The following THAP4 variants were observed in gnomAD, a reference collection of about 807,000 sequenced individuals.
The protein encoded by THAP4 is peroxynitrite isomerase THAP4.
THAP4 carries 18 observed loss-of-function variants against 48.1 expected under a neutral mutation model. The ratio of observed to expected loss-of-function variants is 0.37; its 90% CI spans 0.26 to 0.56. The LOEUF (loss-of-function observed/expected upper bound fraction) is 0.56. THAP4 is among the 20% of genes least tolerant of loss of function. The probability of loss-of-function intolerance (pLI) is 0.78; values close to 1 mark genes in which losing one functional copy is unlikely to be tolerated. For synonymous variants in THAP4, 345 were observed against 324.9 expected (o/e 1.06, Z -0.66); for missense variants, 656 against 774.9 (o/e 0.85, Z 1.82).
rs550928874 is a variant in THAP4, at chr2:241,617,566, T to G, written c.1241-11093A>C. 1.0e-5 allele frequency: 11 copies of G among 1,080,460 alleles called. No individual in the cohort carries two copies. In the African/African-American group the frequency reaches 1.7e-4, roughly 17 times the overall value. The allele number at this position is 1,080,460 out of a possible 1,614,324, so 66.9% of individuals were successfully genotyped here. ...TGCATTCTGGGAATTGTAGTTCCAC[T>G]ATGAAAGATCACGTCTCAGAAGAAA... On this transcript the variant is annotated intron_variant, in intron 2 of 5. Transcript: ENST00000407315.
In THAP4 at chr2:241,633,803, G is replaced by A. The variant is rs373780484; in HGVS notation, c.354C>T (p.Ala118=). Residue 118 remains alanine (A), a synonymous_variant, in exon 2 of 6, where the codon GCC becomes GCT. Transcript: ENST00000407315. This position sits in a 1 kb window ranked among gnomAD's most constrained non-coding sequence, Gnocchi z 7.5. ...ATGGVRGHSS[A]ATSRGAAGWS... The stretch of plus-strand genomic sequence containing the variant: ...AACCTGCAGCTCCTCTGCTGGTGGC[G>A]GCACTCGAGTGTCCCCTCACACCCC... The A allele has an allele frequency of 3.7e-5, 60 of 1,613,540 alleles. No homozygotes were observed. Among genetic ancestry groups the A allele is most frequent in the Non-Finnish European group, 4.5e-5 (53 of 1,179,678 alleles).
At chr2:241,617,299 T>C in intron 2 of THAP4, 1 of 792,460 alleles carries the variant, frequency 1.3e-6, no homozygotes, top group South Asian at 1.6e-5. Context: ...TCTTTTCTGA[T>C]TTCATTTTTC....
intron 5 of THAP4, among the ~76,000 whole-genome samples, chr2:241,586,320 C>T (rs1381727935): frequency 2.0e-5 from 3 of 150,696 alleles, no homozygotes; most frequent in South Asian, 2.1e-4. Flanking sequence ...TGAAGGGTCC[C>T]ATCCCAGGAG....
At chr2:241,590,050 C>T (rs976671142) in intron 5 of THAP4, among the ~76,000 whole-genome samples, 1 of 145,192 alleles carries the variant, frequency 6.9e-6, no homozygotes, top group Non-Finnish European at 1.5e-5. Flanking sequence ...CACTAGGACA[C>T]GCAGAGCTGC....
intron 5 of THAP4, chr2:241,591,838 A>G (rs2066983305): frequency 6.6e-6 from 1 of 152,352 alleles, no homozygotes; most frequent in Admixed American, 6.5e-5. Context: ...TAAGACATTA[A>G]AAACAGAATC....
intron 3 of THAP4, 86 bp downstream of exon 3, chr2:241,606,228 C>T: frequency 7.7e-7 from 1 of 1,301,990 alleles, no homozygotes; most frequent in Non-Finnish European, 1.0e-6. Context: ...CCTGCTTGGC[C>T]TTTGTCTTTG....
intron 3 of THAP4, 29 bp downstream of exon 3, chr2:241,606,285 G>A: frequency 3.3e-6 from 5 of 1,527,722 alleles, no homozygotes; most frequent in Non-Finnish European, 4.4e-6. Flanking sequence ...CATGAGTCAA[G>A]CAGGGTGGGG....
Position 241,635,886 on chromosome 2 carries a change from T to C in THAP4, c.77+1055A>G, listed in dbSNP as rs193163447. On this transcript the variant is annotated intron_variant, in intron 1 of 5. Coordinates refer to ENST00000407315, the MANE Select transcript of THAP4 (RefSeq NM_015963.6). ...GGCCAGTGTGGACCAGGACAAATCC[T>C]AACAGGATGGACTGGGCCGTTCTAA... Among the ~76,000 whole-genome samples the C allele has an allele frequency of 4.3e-4, 65 of 152,312 alleles. 2 individuals are homozygous for C. The East Asian group carries it at 0.012, about 28-fold the overall frequency.
At chr2:241,634,277 G>C (rs183221659) in intron 1 of THAP4, among the ~76,000 whole-genome samples, 198 bp from the exon 2 acceptor site, 1 of 152,166 alleles carries the variant, frequency 6.6e-6, no homozygotes, top group African/African-American at 2.4e-5. Flanking sequence ...TGAAAGACCC[G>C]TTGTCTACCC....
Position 241,633,414 on chromosome 2 carries a change from C to T in THAP4, c.743G>A (p.Arg248Lys), listed in dbSNP as rs150244230. Residue 248 changes from arginine (R) to lysine (K), a missense_variant, in exon 2 of 6, where the codon AGG (arginine) becomes AAG (lysine). By Grantham distance (26) the Arg-to-Lys change is conservative. Around this residue, in one of 4 missense-constraint regions of THAP4, gnomAD observed 391 missense variants for 412.4 expected, o/e 0.95. Coordinates refer to ENST00000407315, the MANE Select transcript of THAP4 (RefSeq NM_015963.6). The surrounding 1 kb of genome is among the most constrained non-coding windows in gnomAD (Gnocchi z 7.5). The stretch of plus-strand genomic sequence containing the variant: ...AATGGGCTCTCGGGGGACAGATGGC[C>T]TTTCTCGGGTGTGCTTAGAGGAGAA... ...YSFSSKHTRE[R>K]PSVPREPIDR... is the part of the protein sequence containing the mutation. The T allele has an allele frequency of 1.7e-5, 28 of 1,613,792 alleles. No individual in the cohort carries two copies. In the African/African-American group the frequency reaches 3.3e-4, roughly 19 times the overall value.
At chr2:241,636,389 C>A (rs995810714) in intron 1 of THAP4, among the ~76,000 whole-genome samples, 1 of 152,220 alleles carries the variant, frequency 6.6e-6, no homozygotes, top group Non-Finnish European at 1.5e-5. Flanking sequence ...GCCGCGGGGG[C>A]CCACGTGGGA....
intron 5 of THAP4, 190 bp from the exon 6 acceptor site, chr2:241,584,915 C>T: frequency 1.5e-6 from 1 of 661,798 alleles, no homozygotes; most frequent in Non-Finnish European, 2.7e-6. Context: ...CAGCTGCCTC[C>T]AGAAGACCAC....
upstream of THAP4, chr2:241,637,249 G>T: frequency 1.9e-6 from 2 of 1,043,552 alleles, no homozygotes; most frequent in Non-Finnish European, 2.3e-6. Context: ...TCGGACCAGC[G>T]GGGCGCCGCA....
intron 2 of THAP4, among the ~76,000 whole-genome samples, chr2:241,631,894 T>C (rs964457949): frequency 1.4e-5 from 2 of 142,488 alleles, no homozygotes; most frequent in African/African-American, 2.6e-5. Context: ...ATTGTATTTC[T>C]TTTTTTTTTT....
At chr2:241,626,406 A>C (rs537152874) in intron 2 of THAP4, among the ~76,000 whole-genome samples, 1 of 152,194 alleles carries the variant, frequency 6.6e-6, no homozygotes, top group South Asian at 2.1e-4. Flanking sequence ...TCGCCATTGC[A>C]CTCTAGCCTG....
Position 241,601,688 on chromosome 2 carries a change from C to T in THAP4, c.1614+208G>A. ...GACAAACAACAAACCTCAAAAAAAC[C>T]ACACCACTGACCAGCCGAGGAGGGG... On this transcript the variant is annotated intron_variant, in intron 5 of 5. Transcript: ENST00000407315. This position sits in a 1 kb window ranked among gnomAD's most constrained non-coding sequence, Gnocchi z 4.0. 1.2e-6 allele frequency: 1 copy of T among 868,030 alleles called. No individual in the cohort carries two copies. The allele number at this position is 868,030 out of a possible 1,614,324, so 53.8% of individuals were successfully genotyped here. A position where few individuals can be genotyped will look rare whatever the true frequency, so the allele number is the denominator to read the frequency against.
In THAP4 at chr2:241,603,393, C is replaced by T. The variant is rs1352770980; in HGVS notation, c.1401-314G>A. The stretch of plus-strand genomic sequence containing the variant: ...GAAGACGGGCTGTTCCAGCCACACC[C>T]GCACACCTGCCCGCCCCCTCCAGCG... On this transcript the variant is annotated intron_variant, in intron 3 of 5. Transcript: ENST00000407315. Among the ~76,000 whole-genome samples the T allele has an allele frequency of 1.4e-3, 188 of 137,530 alleles. 6 individuals carry two copies. The highest frequency in any genetic ancestry group is 4.2e-3 in the African/African-American group (167 of 39,658). 90.2% of individuals were successfully genotyped at this position (137,530 alleles called of 152,430 possible). A position where few individuals can be genotyped will look rare whatever the true frequency, so the allele number is the denominator to read the frequency against.
At chr2:241,598,971 C>T (rs1346009584) in intron 5 of THAP4, among the ~76,000 whole-genome samples, 6 of 151,806 alleles carry the variant, frequency 4.0e-5, no homozygotes, top group African/African-American at 9.7e-5. Context: ...AAAGGCTATC[C>T]GGCTGGGCGC....
chr2:241,614,745 C>T (rs1039387033), intron 2 of THAP4, among the ~76,000 whole-genome samples: 2 of 151,918 alleles, frequency 1.3e-5, no homozygotes, highest in East Asian at 1.9e-4. Flanking sequence ...AAAAATTAGC[C>T]GGGTGTGGTG....
Sources: gnomAD v4.1 joint callset for allele counts (sites outside exome capture counted in the v4.1 genomes callset) on GRCh38, gnomAD v4.1.1 for gene constraint, gnomAD v4.1.1 regional missense constraint, Gnocchi (gnomAD v3.1) non-coding constraint, MANE v1.5 for transcripts, NCBI Gene and HGNC (gene_info 2026-07-23, HGNC 2026-07-21) for gene names.